The following GPR89B variants were observed in gnomAD, a reference collection of about 807,000 sequenced individuals.
GPR89B encodes the protein G protein-coupled receptor 89B.
In GPR89B, 25 loss-of-function variants were observed where a neutral mutation model predicts 52.4. The observed-to-expected ratio is 0.48, with a 90% confidence interval of 0.35 to 0.67. GPR89B has a LOEUF of 0.67. Ranked by LOEUF, GPR89B falls within the 30% of genes least tolerant of loss-of-function variation. The pLI, the probability that GPR89B is intolerant of heterozygous loss-of-function variation, is 0.01. For missense variants in GPR89B, 146 were observed against 450.2 expected, an observed-to-expected ratio of 0.32 and a Z score of 6.11; for synonymous variants, 52 against 151.2, an observed-to-expected ratio of 0.34 and a Z score of 4.81.
chr1:147,977,279 G>A (rs1335787265), intron 10 of GPR89B, among the ~76,000 whole-genome samples: 2 of 130,304 alleles, frequency 1.5e-5, no homozygotes, highest in African/African-American at 5.7e-5. Flanking sequence ...GTTGAATATT[G>A]ACTCCCAATT....
chr1:147,961,742 A>G (rs1372853546), intron 7 of GPR89B, among the ~76,000 whole-genome samples: 5 of 152,134 alleles, frequency 3.3e-5, no homozygotes, highest in Non-Finnish European at 7.3e-5. Context: ...TCACAAAATG[A>G]AATACATAGA....
chr1:148,016,014 G>A, the GPR89B span, among the ~76,000 whole-genome samples: 3 of 150,754 alleles, frequency 2.0e-5, no homozygotes. Flanking sequence ...TTGCTGACAT[G>A]TACTTTGCTT....
At chr1:147,968,041 T>C (rs1657156913) in intron 8 of GPR89B, 3 of 336,168 alleles carry the variant, frequency 8.9e-6, no homozygotes, top group African/African-American at 2.2e-5. Context: ...TTGAAGTATG[T>C]GCTTCTATTT....
intron 2 of GPR89B, 99 bp from the exon 3 acceptor site, chr1:147,938,615 T>C (rs1553248371): frequency 1.9e-6 from 3 of 1,595,818 alleles, no homozygotes; most frequent in Non-Finnish European, 2.6e-6. Context: ...ACTTGAGAAT[T>C]TCCTCAAAAT....
the GPR89B span, chr1:148,001,561 T>TA: frequency 1.3e-6 from 1 of 774,478 alleles, no homozygotes; most frequent in Non-Finnish European, 2.2e-6. Context: ...GTAAGTCCCC[T>TA]AAAAAAATAA....
intron 10 of GPR89B, among the ~76,000 whole-genome samples, chr1:147,979,224 G>A (rs1252493267): frequency 6.6e-6 from 1 of 151,946 alleles, no homozygotes; most frequent in Non-Finnish European, 1.5e-5. Flanking sequence ...CAGCCTGAAA[G>A]TGCAACATTC....
chr1:147,965,538 C>T (rs1413608763), intron 7 of GPR89B, among the ~76,000 whole-genome samples: 1 of 152,034 alleles, frequency 6.6e-6, no homozygotes, highest in East Asian at 1.9e-4. Flanking sequence ...TCACTAGGAC[C>T]CTGTTGATAC....
chr1:148,019,734 A>G, the GPR89B span, among the ~76,000 whole-genome samples: 1 of 152,082 alleles, frequency 6.6e-6, no homozygotes, highest in Non-Finnish European at 1.5e-5. Context: ...AGAACGCTTT[A>G]TGTTAACTAG....
At chr1:147,938,566 A>G in intron 2 of GPR89B, 148 bp from the exon 3 acceptor site, 1 of 613,038 alleles carries the variant, frequency 1.6e-6, no homozygotes, top group Non-Finnish European at 2.9e-6. Flanking sequence ...CTTTTTCTTT[A>G]GCTCCAGGCA....
downstream of GPR89B, chr1:147,994,338 G>A (rs2149099509): frequency 1.3e-6 from 2 of 1,531,920 alleles, no homozygotes; most frequent in Non-Finnish European, 1.8e-6. Flanking sequence ...AGAAGAATGT[G>A]AGGCTGTACT....
chr1:148,001,933 C>T, the GPR89B span, among the ~76,000 whole-genome samples: 6 of 151,888 alleles, frequency 4.0e-5, no homozygotes, highest in African/African-American at 1.5e-4. Context: ...CTTAAGAAAC[C>T]CATGCTGGCA....
downstream of GPR89B, among the ~76,000 whole-genome samples, chr1:147,996,077 C>G (rs1342074216): frequency 6.6e-6 from 1 of 152,068 alleles, no homozygotes; most frequent in East Asian, 1.9e-4. Flanking sequence ...TCCATATTCA[C>G]ATGATTAGTG....
At chr1:147,971,759 C>T (rs1228591139) in intron 10 of GPR89B, among the ~76,000 whole-genome samples, 32 of 152,078 alleles carry the variant, frequency 2.1e-4, no homozygotes, top group Middle Eastern at 6.8e-3. Flanking sequence ...GGATTACAGG[C>T]GTGAGCCACT....
intron 10 of GPR89B, among the ~76,000 whole-genome samples, chr1:147,974,063 C>T (rs1191292678): frequency 2.6e-5 from 4 of 151,846 alleles, no homozygotes; most frequent in Admixed American, 2.6e-4. Flanking sequence ...CTGTTTTGGT[C>T]ACTGTAACCT....
chr1:148,022,826 C>T, the GPR89B span, among the ~76,000 whole-genome samples: 1 of 145,078 alleles, frequency 6.9e-6, no homozygotes, highest in East Asian at 2.0e-4. Flanking sequence ...ACTTAATTTG[C>T]TCTTGTTTTC....
At chr1:147,968,095 A>G in intron 8 of GPR89B, 1 of 357,414 alleles carries the variant, frequency 2.8e-6, no homozygotes, top group East Asian at 7.3e-5. Context: ...AAAAGTTCAT[A>G]AAAGCCAATA....
chr1:148,004,257 C>T, the GPR89B span, among the ~76,000 whole-genome samples: 17 of 151,192 alleles, frequency 1.1e-4, no homozygotes, highest in Middle Eastern at 3.2e-3. Flanking sequence ...CCCGGGTTCA[C>T]GCCATTCTCC....
chr1:147,985,079 T>C (rs1658568338), intron 10 of GPR89B, among the ~76,000 whole-genome samples: 1 of 152,202 alleles, frequency 6.6e-6, no homozygotes, highest in Non-Finnish European at 1.5e-5. Context: ...CCAGCTATTG[T>C]GGATTTGTCC....
chr1:147,983,594 C>T (rs1658433414), intron 10 of GPR89B, among the ~76,000 whole-genome samples: 1 of 151,912 alleles, frequency 6.6e-6, no homozygotes, highest in Non-Finnish European at 1.5e-5. Context: ...CATCACTGGC[C>T]ATCAGAGAAA....
Sources: allele counts gnomAD v4.1 joint callset (sites outside exome capture counted in the v4.1 genomes callset), GRCh38; gene constraint gnomAD v4.1.1; transcripts MANE v1.5; gene names NCBI Gene and HGNC (gene_info 2026-07-23, HGNC 2026-07-21).